Variants in ACBD6 observed in about 807,000 individuals in gnomAD.
ACBD6 encodes acyl-CoA binding domain containing 6, also known as acyl-CoA-binding domain-containing protein 6.
ACBD6 carries 28 observed loss-of-function variants against 37.2 expected under a neutral mutation model. The observed-to-expected ratio is 0.75, with a 90% confidence interval of 0.56 to 1.03. The LOEUF is 1.03. ACBD6 is among the 50% of genes least tolerant of loss of function. The pLI is 0.00. For missense variants in ACBD6, 340 were observed against 337.4 expected, an observed-to-expected ratio of 1.01 and a Z score of -0.06; for synonymous variants, 113 against 126.8, an observed-to-expected ratio of 0.89 and a Z score of 0.73.
At chr1:180,431,524 C>CA (rs769296763) in intron 3 of ACBD6, among the ~76,000 whole-genome samples, 15 of 150,878 alleles carry the variant, frequency 9.9e-5, no homozygotes, top group South Asian at 6.3e-4. Context: ...TTCTTTATAC[C>CA]AAAAAAAAGT....
chr1:180,415,109 AAAC>A (rs1648026759), intron 4 of ACBD6, among the ~76,000 whole-genome samples: 1 of 151,776 alleles, frequency 6.6e-6, no homozygotes, highest in Admixed American at 6.6e-5. Flanking sequence ...CAAAAACAAA[AAAC>A]AAACAAACAA....
intron 3 of ACBD6, among the ~76,000 whole-genome samples, chr1:180,469,209 C>T (rs1233966857): frequency 6.6e-6 from 1 of 152,146 alleles, no homozygotes; most frequent in East Asian, 1.9e-4. Flanking sequence ...AGATTTGATT[C>T]TGCATTGTAT....
At chr1:180,327,811 T>C (rs1213651467) in intron 6 of ACBD6, among the ~76,000 whole-genome samples, 1 of 152,244 alleles carries the variant, frequency 6.6e-6, no homozygotes, top group Non-Finnish European at 1.5e-5. Context: ...GCAAAATCAC[T>C]ACTATATTCT....
At chr1:180,363,239 G>A (rs1245108008) in intron 6 of ACBD6, among the ~76,000 whole-genome samples, 1 of 152,108 alleles carries the variant, frequency 6.6e-6, no homozygotes, top group Non-Finnish European at 1.5e-5. Context: ...CCTCGTTGAA[G>A]TTTTTGTAAT....
At chr1:180,455,628 A>T (rs1649886142) in intron 3 of ACBD6, among the ~76,000 whole-genome samples, 1 of 152,148 alleles carries the variant, frequency 6.6e-6, no homozygotes, top group Admixed American at 6.5e-5. Context: ...TGAAAAATTC[A>T]CTCTGTAGAA....
chr1:180,296,184 A>C (rs1267492142), intron 7 of ACBD6, among the ~76,000 whole-genome samples: 2 of 152,188 alleles, frequency 1.3e-5, no homozygotes, highest in Admixed American at 6.5e-5. Flanking sequence ...CCTGAAGCCA[A>C]AGTCTAATCC....
At chr1:180,344,650 A>G (rs537897038) in intron 6 of ACBD6, among the ~76,000 whole-genome samples, 1 of 152,276 alleles carries the variant, frequency 6.6e-6, no homozygotes, top group South Asian at 2.1e-4. Flanking sequence ...TACAAACATC[A>G]TTTCTTTTCA....
At chr1:180,441,982 A>G (rs1557872491) in intron 3 of ACBD6, among the ~76,000 whole-genome samples, 1 of 152,224 alleles carries the variant, frequency 6.6e-6, no homozygotes, top group Non-Finnish European at 1.5e-5. Flanking sequence ...GGTTTTTCAT[A>G]AATACCCATT....
At chr1:180,322,470 G>A (rs963312361) in intron 6 of ACBD6, among the ~76,000 whole-genome samples, 4 of 152,032 alleles carry the variant, frequency 2.6e-5, no homozygotes, top group Admixed American at 6.6e-5. Flanking sequence ...ATTCAGCAGT[G>A]AAGCCACGAG....
intron 6 of ACBD6, among the ~76,000 whole-genome samples, chr1:180,331,663 A>G (rs1651485813): frequency 6.6e-6 from 1 of 152,202 alleles, no homozygotes; most frequent in Admixed American, 6.5e-5. Context: ...AATAATACTA[A>G]AACAATATAA....
chr1:180,395,219 G>A (rs997515562), intron 6 of ACBD6, among the ~76,000 whole-genome samples: 6 of 152,102 alleles, frequency 3.9e-5, no homozygotes, highest in African/African-American at 9.7e-5. Context: ...AGTAGTGGGC[G>A]GGGAAGGGTG....
chr1:180,297,989 C>A (rs1649989519), intron 7 of ACBD6, among the ~76,000 whole-genome samples: 1 of 152,200 alleles, frequency 6.6e-6, no homozygotes, highest in Non-Finnish European at 1.5e-5. Context: ...AGGTGACCCA[C>A]CTGCCTTGGC....
chr1:180,418,060 T>C (rs563376464), intron 4 of ACBD6, among the ~76,000 whole-genome samples: 2 of 152,016 alleles, frequency 1.3e-5, no homozygotes, highest in African/African-American at 2.4e-5. Flanking sequence ...CTTTTTAATA[T>C]AATCTTTCAC....
intron 1 of ACBD6, among the ~76,000 whole-genome samples, chr1:180,500,403 C>G (rs927405259): frequency 6.6e-6 from 1 of 152,040 alleles, no homozygotes; most frequent in Admixed American, 6.6e-5. Context: ...TCTCTTAAAG[C>G]AAATGTTGGC....
chr1:180,427,314 T>C (rs1054401353), intron 4 of ACBD6, among the ~76,000 whole-genome samples: 2 of 152,200 alleles, frequency 1.3e-5, no homozygotes, highest in East Asian at 3.8e-4. Flanking sequence ...TTTTTAAAAA[T>C]AACAGTTCCA....
intron 7 of ACBD6, 31 bp from the exon 8 acceptor site, chr1:180,288,548 A>G (rs1480614173): frequency 6.2e-7 from 1 of 1,600,578 alleles, no homozygotes; most frequent in Admixed American, 1.7e-5. Flanking sequence ...TATGAAAACA[A>G]GTTTACCAAG....
chr1:180,341,110 C>T (rs1651970607), intron 6 of ACBD6, among the ~76,000 whole-genome samples: 1 of 152,074 alleles, frequency 6.6e-6, no homozygotes, highest in Middle Eastern at 3.2e-3. Flanking sequence ...TAAATATCTG[C>T]TTTCTGAAAG....
intron 3 of ACBD6, among the ~76,000 whole-genome samples, chr1:180,448,625 G>A (rs1055266689): frequency 1.3e-5 from 2 of 152,122 alleles, no homozygotes; most frequent in African/African-American, 4.8e-5. Flanking sequence ...GAAGCTTAGA[G>A]CCCAGGCAGC....
At chr1:180,288,126 T>G, downstream of ACBD6, 1 of 495,188 alleles carries the variant, frequency 2.0e-6, no homozygotes, top group Non-Finnish European at 3.6e-6. Flanking sequence ...TTTCAGAGCA[T>G]GCTCAGCAGA....
Sources: allele counts gnomAD v4.1 joint callset (sites outside exome capture counted in the v4.1 genomes callset), GRCh38; gene constraint gnomAD v4.1.1; transcripts MANE v1.5; gene names NCBI Gene and HGNC (gene_info 2026-07-23, HGNC 2026-07-21).